The following PCDHAC1 variants were observed in gnomAD, a reference collection of about 807,000 sequenced individuals.
PCDHAC1 encodes protocadherin alpha subfamily C, 1, also known as protocadherin alpha-C1.
In PCDHAC1, 42 loss-of-function variants were observed where a neutral mutation model predicts 60.0. The ratio of observed to expected loss-of-function variants is 0.70; its 90% confidence interval spans 0.55 to 0.90. The LOEUF is 0.90. PCDHAC1 is among the 40% of genes least tolerant of loss of function. The pLI, the probability that PCDHAC1 is intolerant of heterozygous loss-of-function variation, is 0.00. For synonymous variants in PCDHAC1, 468 were observed against 499.3 expected (o/e 0.94, Z 0.84); for missense variants, 1,160 against 1,222.3 (o/e 0.95, Z 0.76).
At chr5:140,957,799 TA>T (rs1430681763) in intron 1 of PCDHAC1, among the ~76,000 whole-genome samples, 2 of 152,032 alleles carry the variant, frequency 1.3e-5, no homozygotes, top group African/African-American at 2.4e-5. Context: ...ATATGTTAAG[TA>T]AAAAAAAGTC....
intron 3 of PCDHAC1, among the ~76,000 whole-genome samples, chr5:140,996,540 T>C (rs2097730922): frequency 1.3e-5 from 2 of 152,218 alleles, no homozygotes. Flanking sequence ...TGTTTTGATA[T>C]TATGCTGTCA....
rs1333907609 is a variant in PCDHAC1 at position 140,929,266 on chromosome 5, C to T, written c.2374C>T (p.Pro792Ser). Reference protein sequence around the residue: ...NLATGVGLNLPISCIQIRNRK... With the variant: ...NLATGVGLNLSISCIQIRNRK... ...TGCCACTGGGGTAGGACTGAATTTGCCAATATCCTGTATTCAGATTCGGAA... is the reference window on the plus strand; with the variant it reads ...TGCCACTGGGGTAGGACTGAATTTGTCAATATCCTGTATTCAGATTCGGAA... Residue 792 changes from proline (P) to serine (S), a missense_variant, in exon 1 of 4, where the codon CCA becomes TCA. Coordinates refer to ENST00000253807, the MANE Select transcript of PCDHAC1 (RefSeq NM_018898.5). The T allele has an allele frequency of 6.2e-7, 1 of 1,611,352 alleles. No individual in the cohort carries two copies. Among genetic ancestry groups the T allele is most frequent in the Middle Eastern group, 1.7e-4 (1 of 6,056 alleles).
intron 1 of PCDHAC1, among the ~76,000 whole-genome samples, chr5:140,945,576 T>G (rs1383348275): frequency 6.6e-6 from 1 of 152,064 alleles, no homozygotes; most frequent in African/African-American, 2.4e-5. Context: ...ACTACCTGGC[T>G]TCAAAATATA....
chr5:140,964,969 G>T (rs2095866914), intron 1 of PCDHAC1, among the ~76,000 whole-genome samples: 1 of 152,190 alleles, frequency 6.6e-6, no homozygotes, highest in South Asian at 2.1e-4. Flanking sequence ...TGGAACGAAG[G>T]GATGTGCTAG....
At chr5:141,004,564 T>C (rs1205705593) in intron 3 of PCDHAC1, among the ~76,000 whole-genome samples, 1 of 152,196 alleles carries the variant, frequency 6.6e-6, no homozygotes, top group Non-Finnish European at 1.5e-5. Flanking sequence ...AAGATGAACA[T>C]ATCTCTGTGT....
At chr5:140,946,588 A>G (rs2093966025) in intron 1 of PCDHAC1, among the ~76,000 whole-genome samples, 1 of 147,134 alleles carries the variant, frequency 6.8e-6, no homozygotes, top group South Asian at 2.1e-4. Context: ...TTCATAGTGG[A>G]TGAATAGATA....
At chr5:140,932,727 A>G (rs927294598) in intron 1 of PCDHAC1, among the ~76,000 whole-genome samples, 2 of 151,954 alleles carry the variant, frequency 1.3e-5, no homozygotes, top group Non-Finnish European at 2.9e-5. Flanking sequence ...ATTGTATAAT[A>G]TAGACCCTCA....
In PCDHAC1 at chr5:140,929,288, G is replaced by A. The variant is rs386352346; in HGVS notation, c.2396G>A (p.Arg799Gln). 3.1e-6 allele frequency: 5 copies of A among 1,597,514 alleles called. No homozygotes were observed. Among genetic ancestry groups the A allele is most frequent in the Non-Finnish European group, 3.4e-6 (4 of 1,168,792 alleles). Residue 799 changes from arginine (R) to glutamine (Q), a missense_variant, in exon 1 of 4, where the codon CGG becomes CAG. This residue lies in a region of PCDHAC1 where 1,113 missense variants were observed against 1,163.7 expected (regional missense o/e 0.96). Transcript: ENST00000253807. ...LNLPISCIQI[R>Q]NRKGDHANVN... ...TTGCCAATATCCTGTATTCAGATTC[G>A]GAATAGGAAAGGGGATCACGCTAAT... is the stretch of plus-strand genomic sequence containing the variant.
intron 3 of PCDHAC1, among the ~76,000 whole-genome samples, chr5:140,987,520 G>T (rs1221115195): frequency 2.0e-5 from 3 of 152,106 alleles, no homozygotes; most frequent in Non-Finnish European, 4.4e-5. Context: ...CTCAGTAATT[G>T]TATGTTCCTG....
intron 1 of PCDHAC1, chr5:140,930,381 A>G (rs569032116): frequency 2.0e-5 from 3 of 152,008 alleles, no homozygotes; most frequent in East Asian, 3.9e-4. Flanking sequence ...GGCCCTTGGC[A>G]TTTCAAAACT....
At chr5:140,997,097 T>G (rs1222829529) in intron 3 of PCDHAC1, among the ~76,000 whole-genome samples, 10 of 152,156 alleles carry the variant, frequency 6.6e-5, no homozygotes, top group Admixed American at 5.2e-4. Context: ...TGCAGAGTTC[T>G]CATGCACTCC....
At chr5:140,993,667 C>T (rs2097576739) in intron 3 of PCDHAC1, among the ~76,000 whole-genome samples, 1 of 152,052 alleles carries the variant, frequency 6.6e-6, no homozygotes, top group African/African-American at 2.4e-5. Context: ...AACAATGGAC[C>T]ACATATGTGA....
chr5:140,984,340 T>C (rs1224859959), intron 3 of PCDHAC1, among the ~76,000 whole-genome samples: 1 of 152,242 alleles, frequency 6.6e-6, no homozygotes, highest in African/African-American at 2.4e-5. Flanking sequence ...ATAGGAACCA[T>C]GTATTGATAT....
chr5:140,929,316 C>G lies in PCDHAC1; in HGVS notation c.2424C>G (p.Val808=). 1 of 1,556,954 alleles carries G rather than the reference C, an allele frequency of 6.4e-7. No homozygotes were observed. Among genetic ancestry groups the G allele is most frequent in the Non-Finnish European group, 8.7e-7 (1 of 1,147,786 alleles). ...IRNRKGDHAN[V]NAMPRQPNPD... Reference sequence around the variant, plus strand: ...ATAGGAAAGGGGATCACGCTAATGTCAATGCCATGGTAAGCAAATTTTATG... The same window carrying G: ...ATAGGAAAGGGGATCACGCTAATGTGAATGCCATGGTAAGCAAATTTTATG... The change falls in exon 1 of 4, where the codon GTC becomes GTG. Residue 808 remains valine (V), a synonymous_variant. Transcript: ENST00000253807.
At chr5:141,009,205 A>G (rs1325707221) in intron 3 of PCDHAC1, among the ~76,000 whole-genome samples, 8 of 152,192 alleles carry the variant, frequency 5.3e-5, no homozygotes, top group Non-Finnish European at 1.2e-4. Flanking sequence ...CTATGATTCC[A>G]ACACTTTGGG....
intron 1 of PCDHAC1, among the ~76,000 whole-genome samples, chr5:140,960,717 TATTTTAGTCCATG>T (rs1244851083): frequency 3.3e-4 from 10 of 30,264 alleles, no homozygotes; most frequent in African/African-American, 2.5e-3. Flanking sequence ...ATACTCATCT[TATTTTAGTCCATG>T]ATTTTAGTCC....
chr5:141,001,435 A>G (rs1377491641), intron 3 of PCDHAC1, among the ~76,000 whole-genome samples: 4 of 152,202 alleles, frequency 2.6e-5, no homozygotes, highest in African/African-American at 7.2e-5. Flanking sequence ...TTCCATGGAA[A>G]AGTCTTTCCA....
At chr5:140,945,569 A>C (rs575302416) in intron 1 of PCDHAC1, among the ~76,000 whole-genome samples, 2 of 152,256 alleles carry the variant, frequency 1.3e-5, no homozygotes, top group South Asian at 4.1e-4. Context: ...ACATCATACT[A>C]CCTGGCTTCA....
At chr5:140,979,820 T>A (rs937223402) in intron 2 of PCDHAC1, among the ~76,000 whole-genome samples, 19 of 152,198 alleles carry the variant, frequency 1.2e-4, no homozygotes, top group African/African-American at 4.6e-4. Context: ...AGGATTTAAT[T>A]TTAAAGAAGA....
Sources: allele counts gnomAD v4.1 joint callset (sites outside exome capture counted in the v4.1 genomes callset), GRCh38; gene constraint gnomAD v4.1.1; regional missense constraint gnomAD v4.1.1; transcripts MANE v1.5; gene names NCBI Gene and HGNC (gene_info 2026-07-23, HGNC 2026-07-21).